Variants in PTPN3 observed in about 807,000 individuals in gnomAD.
PTPN3 encodes tyrosine-protein phosphatase non-receptor type 3.
Under a neutral mutation model 132.7 loss-of-function variants are expected in PTPN3, and 96 were observed. The ratio of observed to expected loss-of-function variants is 0.72; its 90% CI spans 0.61 to 0.86. The LOEUF is 0.86. PTPN3 is among the 40% of genes least tolerant of loss of function. PTPN3 has a pLI of 0.00. For missense variants in PTPN3, 1,125 were observed against 1,159.6 expected (o/e 0.97, Z 0.43); for synonymous variants, 398 against 429.0 (o/e 0.93, Z 0.89).
At chr9:109,446,078 G>A (rs1370868760) in intron 6 of PTPN3, among the ~76,000 whole-genome samples, 2 of 152,158 alleles carry the variant, frequency 1.3e-5, no homozygotes, top group South Asian at 2.1e-4. Context: ...CAGACTCCAC[G>A]GCCTGCCCAG....
intron 1 of PTPN3, among the ~76,000 whole-genome samples, chr9:109,489,757 T>C (rs1847373266): frequency 6.6e-6 from 1 of 151,986 alleles, no homozygotes; most frequent in Non-Finnish European, 1.5e-5. Context: ...CAAACCATCA[T>C]CTGGCTTCTG....
In PTPN3 at chr9:109,384,562, A is replaced by G. The variant is rs535869914; in HGVS notation, c.2254-1011T>C. Among the ~76,000 whole-genome samples the G allele has an allele frequency of 2.0e-5, 3 of 152,318 alleles. No homozygotes were observed. The South Asian group carries it at 6.2e-4, about 32-fold the overall frequency. On this transcript the variant is annotated intron_variant, in intron 22 of 25. Coordinates refer to ENST00000374541, the MANE Select transcript of PTPN3 (RefSeq NM_002829.4). ...TCTATCCCTGCTTCTAAAACCTGCA[A>G]CTTGTCCTGTAAGCCATCTTAGCAC...
At position 109,454,686 on chromosome 9, in the gene PTPN3, A is replaced by T. The variant is rs1212634754; in HGVS notation, c.290-112T>A. ...TTTTCACTCAACCATAGCTTTTTCC[A>T]TTATAAAAGGGCTAATTTCAAACAT... is the stretch of plus-strand genomic sequence containing the variant. On this transcript the variant is annotated intron_variant, in intron 4 of 25. Coordinates refer to ENST00000374541, the MANE Select transcript of PTPN3 (RefSeq NM_002829.4). 6.4e-6 allele frequency: 5 copies of T among 776,826 alleles called. No individual in the cohort carries two copies. The African/African-American group carries it at 8.7e-5, about 13-fold the overall frequency. 48.1% of individuals were successfully genotyped at this position (776,826 alleles called of 1,614,324 possible). A position where few individuals can be genotyped will look rare whatever the true frequency, so the allele number is the denominator to read the frequency against.
chr9:109,451,415 T>A (rs1025185925), intron 5 of PTPN3: 1 of 947,816 alleles, frequency 1.1e-6, no homozygotes, highest in Non-Finnish European at 1.3e-6. Flanking sequence ...GGGGTGTCAG[T>A]TGTCAACCAG....
chr9:109,451,408 G>C, intron 5 of PTPN3: 1 of 951,924 alleles, frequency 1.1e-6, no homozygotes, highest in Non-Finnish European at 1.3e-6. Flanking sequence ...TGGGGGTGGG[G>C]TGTCAGTTGT....
At chr9:109,477,419 C>T (rs1846731671) in intron 1 of PTPN3, among the ~76,000 whole-genome samples, 1 of 152,122 alleles carries the variant, frequency 6.6e-6, no homozygotes, top group South Asian at 2.1e-4. Flanking sequence ...AGATGACACA[C>T]CTGATGTAAC....
intron 19 of PTPN3, among the ~76,000 whole-genome samples, chr9:109,399,386 G>T (rs1240187038): frequency 2.4e-4 from 36 of 152,134 alleles, no homozygotes; most frequent in Admixed American, 2.4e-3. Context: ...GTGCCACTGG[G>T]CAAGTCCCTC....
At chr9:109,474,113 C>T (rs1228174437) in intron 1 of PTPN3, among the ~76,000 whole-genome samples, 1 of 151,988 alleles carries the variant, frequency 6.6e-6, no homozygotes, top group African/African-American at 2.4e-5. Flanking sequence ...CCCCACTGCG[C>T]GCCACCTTGG....
intron 22 of PTPN3, 125 bp from the exon 23 acceptor site, chr9:109,383,676 A>T: frequency 2.2e-6 from 3 of 1,352,664 alleles, no homozygotes; most frequent in Non-Finnish European, 3.0e-6. Flanking sequence ...ATGGGAGAAA[A>T]CAAACTCAGC....
At chr9:109,482,093 G>A (rs10816818) in intron 1 of PTPN3, among the ~76,000 whole-genome samples, 57,704 of 152,144 alleles carry the variant, frequency 0.38, 11,792 homozygotes, top group East Asian at 0.61. Context: ...CAACTAATGC[G>A]CGCAGGGATT....
chr9:109,522,419 C>T, the PTPN3 span, among the ~76,000 whole-genome samples: 6 of 152,262 alleles, frequency 3.9e-5, no homozygotes, highest in South Asian at 1.0e-3. Flanking sequence ...AATAAAGAGG[C>T]CTCGAATAAA....
At chr9:109,423,714 C>T (rs1843041786) in intron 12 of PTPN3, among the ~76,000 whole-genome samples, 1 of 152,182 alleles carries the variant, frequency 6.6e-6, no homozygotes, top group Non-Finnish European at 1.5e-5. Flanking sequence ...TCTTAGCTAT[C>T]TAGACCCCTC....
chr9:109,509,425 G>A, the PTPN3 span, among the ~76,000 whole-genome samples: 1 of 152,140 alleles, frequency 6.6e-6, no homozygotes, highest in African/African-American at 2.4e-5. Flanking sequence ...AGGCTCAGGG[G>A]CCTCTCCCTC....
chr9:109,456,115 T>C (rs1845549290), intron 4 of PTPN3, among the ~76,000 whole-genome samples: 1 of 152,218 alleles, frequency 6.6e-6, no homozygotes, highest in African/African-American at 2.4e-5. Flanking sequence ...AAGGCCACTG[T>C]GTCTACTTCT....
chr9:109,494,084 GC>G (rs1847577126), intron 1 of PTPN3, among the ~76,000 whole-genome samples: 1 of 152,216 alleles, frequency 6.6e-6, no homozygotes, highest in Non-Finnish European at 1.5e-5. Flanking sequence ...AGGAGAATAG[GC>G]ACTTAGCCCT....
chr9:109,502,476 G>C (rs2132142976), upstream of PTPN3, among the ~76,000 whole-genome samples: 1 of 152,324 alleles, frequency 6.6e-6, no homozygotes, highest in East Asian at 1.9e-4. Flanking sequence ...ACATGGTATG[G>C]TATGTGGGAA....
chr9:109,422,825 CT>C lies in PTPN3; in HGVS notation c.1028del (p.Lys343ArgfsTer2). The C allele has an allele frequency of 1.2e-6, 2 of 1,613,514 alleles. No homozygotes were observed. The highest frequency in any genetic ancestry group is 1.7e-6 in the Non-Finnish European group (2 of 1,179,458). ...GGTTCCACACCATCCCGCCAATCAC[CT>C]TTTTGCAATATTGGTTATTTACCGA... ...KKSVNNQYCKKVIGGMVWNPA... is the reference protein window; with the variant it reads ...KKSVNNQYCKXVIGGMVWNPA... On this transcript the variant is annotated frameshift_variant, in exon 13 of 26. Coordinates refer to ENST00000374541, the MANE Select transcript of PTPN3 (RefSeq NM_002829.4). LOFTEE classifies it high-confidence loss of function.
At chr9:109,422,462 C>G (rs1842945160) in intron 13 of PTPN3, among the ~76,000 whole-genome samples, 1 of 152,134 alleles carries the variant, frequency 6.6e-6, no homozygotes. Context: ...CCAAAGGAGG[C>G]CTTTCAGCAG....
intron 8 of PTPN3, 57 bp from the exon 9 acceptor site, chr9:109,437,027 C>T: frequency 6.2e-7 from 1 of 1,604,150 alleles, no homozygotes; most frequent in Non-Finnish European, 8.5e-7. Flanking sequence ...GCATTAACTC[C>T]AATTTTAAAA....
Sources: allele counts gnomAD v4.1 joint callset (sites outside exome capture counted in the v4.1 genomes callset), GRCh38; gene constraint gnomAD v4.1.1; transcripts MANE v1.5; gene names NCBI Gene and HGNC (gene_info 2026-07-23, HGNC 2026-07-21).